Variants in EGFLAM observed in about 807,000 individuals in gnomAD.
EGFLAM encodes the protein pikachurin.
EGFLAM carries 79 observed loss-of-function variants against 113.1 expected under a neutral mutation model. The observed-to-expected ratio is 0.70, with a 90% CI of 0.58 to 0.84. EGFLAM has a LOEUF of 0.84. Ranked by LOEUF, EGFLAM falls within the 40% of genes least tolerant of loss-of-function variation. The probability of loss-of-function intolerance (pLI) is 0.00; values close to 1 mark genes in which losing one functional copy is unlikely to be tolerated. For synonymous variants in EGFLAM, 504 were observed against 487.6 expected (o/e 1.03, Z -0.44); for missense variants, 1,265 against 1,291.6 (o/e 0.98, Z 0.32).
intron 1 of EGFLAM, among the ~76,000 whole-genome samples, chr5:38,270,102 A>C (rs1397083288): frequency 6.6e-6 from 1 of 151,996 alleles, no homozygotes; most frequent in East Asian, 1.9e-4. Flanking sequence ...GACACTCTGT[A>C]GAGTAACCTG....
At chr5:38,377,665 A>C (rs1740401153) in intron 6 of EGFLAM, among the ~76,000 whole-genome samples, 2 of 152,206 alleles carry the variant, frequency 1.3e-5, no homozygotes, top group South Asian at 4.1e-4. Context: ...CCCATTGGCA[A>C]GGTTCGCAGG....
intron 1 of EGFLAM, among the ~76,000 whole-genome samples, chr5:38,293,166 AC>A (rs1431091924): frequency 2.0e-5 from 3 of 152,190 alleles, no homozygotes; most frequent in African/African-American, 7.2e-5. Context: ...AACTATGAAG[AC>A]CCTTGACTTT....
chr5:38,414,919 G>T (rs964835236), intron 11 of EGFLAM, among the ~76,000 whole-genome samples: 2 of 152,136 alleles, frequency 1.3e-5, no homozygotes, highest in African/African-American at 2.4e-5. Context: ...TCTCAGGAGA[G>T]GGGGGCATCC....
At chr5:38,457,000 G>A (rs951594721) in intron 19 of EGFLAM, among the ~76,000 whole-genome samples, 3 of 152,204 alleles carry the variant, frequency 2.0e-5, no homozygotes, top group Non-Finnish European at 4.4e-5. Context: ...ACTGGATTAA[G>A]GGGGATATTT....
chr5:38,335,864 C>G (rs1482103959), intron 1 of EGFLAM, among the ~76,000 whole-genome samples: 1 of 152,110 alleles, frequency 6.6e-6, no homozygotes, highest in Non-Finnish European at 1.5e-5. Flanking sequence ...GCAAAGTATC[C>G]TAACTGATAT....
intron 1 of EGFLAM, among the ~76,000 whole-genome samples, chr5:38,318,046 AAGATACC>A (rs1738646571): frequency 6.6e-6 from 1 of 152,118 alleles, no homozygotes; most frequent in South Asian, 2.1e-4. Context: ...GCACTTGGGG[AAGATACC>A]AGGTTTCTGT....
intron 19 of EGFLAM, among the ~76,000 whole-genome samples, chr5:38,454,605 T>C (rs1010979719): frequency 3.3e-5 from 5 of 152,224 alleles, no homozygotes; most frequent in Non-Finnish European, 7.3e-5. Flanking sequence ...TTTATTATTG[T>C]TATTGTTATT....
At chr5:38,382,014 C>A (rs183790658) in intron 6 of EGFLAM, among the ~76,000 whole-genome samples, 2 of 152,090 alleles carry the variant, frequency 1.3e-5, no homozygotes, top group Admixed American at 1.3e-4. Flanking sequence ...AAGGAGATGA[C>A]GTTAGAGAAA....
intron 19 of EGFLAM, among the ~76,000 whole-genome samples, chr5:38,454,298 A>C (rs1243207412): frequency 1.1e-4 from 16 of 152,042 alleles, no homozygotes; most frequent in Non-Finnish European, 1.5e-5. Flanking sequence ...TGTTTCCGGG[A>C]CCCATGCCCT....
At chr5:38,460,444 C>T (rs945816708) in intron 20 of EGFLAM, among the ~76,000 whole-genome samples, 1 of 152,194 alleles carries the variant, frequency 6.6e-6, no homozygotes, top group South Asian at 2.1e-4. Context: ...CCATCCTACC[C>T]CATGATGAAA....
intron 6 of EGFLAM, among the ~76,000 whole-genome samples, chr5:38,398,251 A>G (rs748547856): frequency 6.6e-6 from 1 of 152,336 alleles, no homozygotes; most frequent in Non-Finnish European, 1.5e-5. Flanking sequence ...AAACTACTCC[A>G]AAAGTTCACT....
intron 4 of EGFLAM, among the ~76,000 whole-genome samples, chr5:38,351,358 C>T (rs927704295): frequency 1.3e-5 from 2 of 152,116 alleles, no homozygotes; most frequent in African/African-American, 4.8e-5. Context: ...CCACCTGCCT[C>T]TGCCTCCCAA....
chr5:38,265,988 A>G (rs1757625236), intron 1 of EGFLAM, among the ~76,000 whole-genome samples: 1 of 151,950 alleles, frequency 6.6e-6, no homozygotes, highest in Admixed American at 6.6e-5. Context: ...TCATACCTCC[A>G]CGCCCAGCTG....
intron 3 of EGFLAM, among the ~76,000 whole-genome samples, chr5:38,343,360 C>T (rs562592051): frequency 4.0e-5 from 6 of 148,264 alleles, no homozygotes; most frequent in African/African-American, 5.0e-5. Context: ...GAGCCGAGAT[C>T]GCGCCATTGC....
At chr5:38,463,174 GC>G (rs1339276225) in intron 21 of EGFLAM, among the ~76,000 whole-genome samples, 163 bp downstream of exon 21, 1 of 152,152 alleles carries the variant, frequency 6.6e-6, no homozygotes, top group African/African-American at 2.4e-5. Flanking sequence ...CTGACTCATG[GC>G]TGAGGGGGCA....
intron 6 of EGFLAM, among the ~76,000 whole-genome samples, chr5:38,385,889 T>C (rs977629801): frequency 1.3e-5 from 2 of 152,236 alleles, no homozygotes; most frequent in Non-Finnish European, 2.9e-5. Context: ...AGAGTTGTAC[T>C]TAGACAAACC....
At chr5:38,365,488 T>C (rs977164795) in intron 5 of EGFLAM, among the ~76,000 whole-genome samples, 3 of 152,196 alleles carry the variant, frequency 2.0e-5, no homozygotes, top group Non-Finnish European at 4.4e-5. Context: ...CAGGGGCTAA[T>C]GACACCTGCT....
At chr5:38,420,007 A>G (rs981928603) in intron 12 of EGFLAM, among the ~76,000 whole-genome samples, 2 of 152,238 alleles carry the variant, frequency 1.3e-5, no homozygotes, top group African/African-American at 2.4e-5. Context: ...AGCTTGGACA[A>G]CAGAGTGAGA....
intron 1 of EGFLAM, among the ~76,000 whole-genome samples, chr5:38,308,214 C>T (rs573661837): frequency 5.0e-4 from 76 of 152,338 alleles, no homozygotes; most frequent in South Asian, 1.4e-3. Context: ...GGCACAGCCA[C>T]AGAGTTCTTG....
Sources: gnomAD v4.1 joint callset for allele counts (sites outside exome capture counted in the v4.1 genomes callset) on GRCh38, gnomAD v4.1.1 for gene constraint, MANE v1.5 for transcripts, NCBI Gene and HGNC (gene_info 2026-07-23, HGNC 2026-07-21) for gene names.